Variants in IL1RAP observed in about 807,000 individuals in gnomAD.
The protein encoded by IL1RAP is interleukin-1 receptor accessory protein.
A neutral mutation model predicts 60.7 loss-of-function variants in IL1RAP; 35 were observed. That is an observed-to-expected ratio of 0.58 (90% CI 0.44 to 0.76). IL1RAP has a LOEUF of 0.76. IL1RAP is among the 30% of genes least tolerant of loss of function. The pLI is 0.00. For missense variants in IL1RAP, 572 were observed against 693.9 expected (o/e 0.82, Z 1.97); for synonymous variants, 268 against 250.9 (o/e 1.07, Z -0.64).
At chr3:190,645,863 C>T (rs778471938) in intron 11 of IL1RAP, 21 bp downstream of exon 11, 1 of 1,598,570 alleles carries the variant, frequency 6.3e-7, no homozygotes, top group Non-Finnish European at 8.5e-7. Flanking sequence ...CAGAGGAGTA[C>T]AAATGATGCT....
Position 190,545,157 on chromosome 3 carries a change from C to T in IL1RAP, c.-88-10973C>T, listed in dbSNP as rs993764172. 7.2e-5 allele frequency among the ~76,000 whole-genome samples: 11 copies of T among 152,092 alleles called. 1 individual carries two copies. The highest frequency in any genetic ancestry group is 4.1e-4 in the South Asian group (2 of 4,824). On this transcript the variant is annotated intron_variant, in intron 1 of 11. Transcript: ENST00000447382. ...AGCTGCTACATCTGATATTATTTTC[C>T]GGAATCTGAAGAAACACCAAAGAGG... is the stretch of plus-strand genomic sequence containing the variant.
intron 1 of IL1RAP, among the ~76,000 whole-genome samples, chr3:190,545,786 CTT>C (rs1242181650): frequency 6.6e-6 from 1 of 151,974 alleles, no homozygotes; most frequent in African/African-American, 2.4e-5. Flanking sequence ...CTGGAGATCT[CTT>C]TAGGTTGTGA....
chr3:190,578,821 G>C (rs1727724458), intron 3 of IL1RAP, among the ~76,000 whole-genome samples: 1 of 152,208 alleles, frequency 6.6e-6, no homozygotes, highest in African/African-American at 2.4e-5. Context: ...GCAGGCCAGA[G>C]AGCGTGTGCA....
intron 2 of IL1RAP, among the ~76,000 whole-genome samples, chr3:190,562,695 CA>C (rs1726004111): frequency 9.9e-5 from 1 of 10,104 alleles, no homozygotes; most frequent in African/African-American, 2.8e-4. Flanking sequence ...ATATCTCGTC[CA>C]CACACACACA....
chr3:190,626,690 A>C (rs1289203537), intron 7 of IL1RAP, among the ~76,000 whole-genome samples: 1 of 81,504 alleles, frequency 1.2e-5, no homozygotes, highest in Non-Finnish European at 2.1e-5. Flanking sequence ...TTTTTTTTGG[A>C]GATGGAGTCT....
At chr3:190,645,243 A>G (rs1321484324) in intron 10 of IL1RAP, among the ~76,000 whole-genome samples, 1 of 152,238 alleles carries the variant, frequency 6.6e-6, no homozygotes, top group East Asian at 1.9e-4. Flanking sequence ...CAACTTCGTG[A>G]AAGATTGGTC....
At chr3:190,570,015 A>G (rs1272368200) in intron 3 of IL1RAP, among the ~76,000 whole-genome samples, 1 of 152,118 alleles carries the variant, frequency 6.6e-6, no homozygotes, top group East Asian at 1.9e-4. Context: ...GTTTCTACCC[A>G]CTTTTCTTTC....
intron 5 of IL1RAP, among the ~76,000 whole-genome samples, chr3:190,610,786 T>C (rs1730756074): frequency 6.6e-6 from 1 of 152,172 alleles, no homozygotes; most frequent in East Asian, 1.9e-4. Context: ...TTAAATTCTG[T>C]CTCTGCTTAA....
chr3:190,592,550 C>T (rs1400391697), intron 3 of IL1RAP, among the ~76,000 whole-genome samples: 2 of 152,170 alleles, frequency 1.3e-5, no homozygotes, highest in African/African-American at 4.8e-5. Context: ...TTAAAATTAT[C>T]TAGAAAACCC....
At chr3:190,638,886 AGT>A (rs1319664162) in intron 9 of IL1RAP, among the ~76,000 whole-genome samples, 1 of 152,052 alleles carries the variant, frequency 6.6e-6, no homozygotes, top group African/African-American at 2.4e-5. Context: ...ATATGTTGAA[AGT>A]GTATCTATTT....
intron 1 of IL1RAP, chr3:190,520,425 C>T (rs1251086696): frequency 1.3e-5 from 2 of 152,072 alleles, no homozygotes. Flanking sequence ...GAGTCATAGG[C>T]TCCAAGAAAG....
chr3:190,644,367 G>A lies in IL1RAP; in HGVS notation c.1171G>A (p.Ala391Thr). The A allele has an allele frequency of 6.2e-7, 1 of 1,613,756 alleles. No individual in the cohort carries two copies. Among genetic ancestry groups the A allele is most frequent in the Non-Finnish European group, 8.5e-7 (1 of 1,179,848 alleles). ...YWLEMVLFYR[A>T]HFGTDETILD... is the part of the protein sequence containing the mutation. ...GCTAGAGATGGTCCTATTTTACCGG[G>A]CTCATTTTGGAACAGATGAAACCAT... Residue 391 changes from alanine (A) to threonine (T), a missense_variant, in exon 10 of 12, where the codon GCT becomes ACT. Transcript: ENST00000447382.
At chr3:190,541,847 A>T (rs1723961474) in intron 1 of IL1RAP, among the ~76,000 whole-genome samples, 1 of 152,102 alleles carries the variant, frequency 6.6e-6, no homozygotes, top group Non-Finnish European at 1.5e-5. Flanking sequence ...ATGCCCATGA[A>T]ATTTCAATAT....
chr3:190,645,232 G>A (rs1018141350), intron 10 of IL1RAP, among the ~76,000 whole-genome samples: 6 of 152,186 alleles, frequency 3.9e-5, no homozygotes, highest in Non-Finnish European at 4.4e-5. Context: ...TTCTAATTAA[G>A]CAACTTCGTG....
At chr3:190,527,857 ACACACACACACAC>A (rs1302792366) in intron 1 of IL1RAP, among the ~76,000 whole-genome samples, 1 of 149,990 alleles carries the variant, frequency 6.7e-6, no homozygotes, top group African/African-American at 2.5e-5. Context: ...ACACACACAC[ACACACACACACAC>A]GAGAATGGTG....
chr3:190,544,067 TCA>T (rs1724169324), intron 1 of IL1RAP, among the ~76,000 whole-genome samples: 1 of 152,180 alleles, frequency 6.6e-6, no homozygotes, highest in African/African-American at 2.4e-5. Context: ...AGTTTTTAGG[TCA>T]CCCTAATACA....
rs377620086 is a variant in IL1RAP at position 190,524,803 on chromosome 3, C to T, written c.-89+10584C>T. On this transcript the variant is annotated intron_variant, in intron 1 of 11. Transcript: ENST00000447382. ...CCCAAGAAGTAGAAAGAGATAGAAC[C>T]GGATAAGACAGTAAATTATACATGT... Among the ~76,000 whole-genome samples, 209 of 151,880 alleles carry T rather than the reference C, an allele frequency of 1.4e-3. 1 individual carries two copies. Among genetic ancestry groups the T allele is most frequent in the African/African-American group, 4.7e-3 (193 of 41,446 alleles).
chr3:190,644,444 G>C, intron 10 of IL1RAP, 47 bp downstream of exon 10: 1 of 1,362,364 alleles, frequency 7.3e-7, no homozygotes, highest in Non-Finnish European at 1.0e-6. Flanking sequence ...GTCATCTTTA[G>C]AACATATGTT....
At chr3:190,634,416 G>A (rs2108831583) in intron 9 of IL1RAP, among the ~76,000 whole-genome samples, 2 of 151,076 alleles carry the variant, frequency 1.3e-5, no homozygotes, top group South Asian at 4.2e-4. Flanking sequence ...AGCCTCCTGA[G>A]TAGCTGGGAT....
Sources: gnomAD v4.1 joint callset for allele counts (sites outside exome capture counted in the v4.1 genomes callset) on GRCh38, gnomAD v4.1.1 for gene constraint, MANE v1.5 for transcripts, NCBI Gene and HGNC (gene_info 2026-07-23, HGNC 2026-07-21) for gene names.